The following DNM1L variants were observed in gnomAD, a reference collection of about 807,000 sequenced individuals.
DNM1L encodes the protein dynamin-1-like protein.
In DNM1L, 33 loss-of-function variants were observed where a neutral mutation model predicts 92.8. That is an observed-to-expected ratio of 0.36 (90% confidence interval 0.27 to 0.48). The LOEUF (loss-of-function observed/expected upper bound fraction) is 0.48. Among genes scored for constraint, DNM1L ranks in the 20% least tolerant of loss-of-function variants. The pLI is 0.99. For missense variants in DNM1L, 485 were observed against 888.8 expected (o/e 0.55, Z 5.78); for synonymous variants, 284 against 305.0 (o/e 0.93, Z 0.72).
At chr12:32,701,622 A>G in intron 2 of DNM1L, 60 bp downstream of exon 2, 1 of 1,465,498 alleles carries the variant, frequency 6.8e-7, no homozygotes, top group South Asian at 1.1e-5. Context: ...TATTCTTAAA[A>G]AGATATGAAT....
At chr12:32,681,578 CTATTTT>C (rs1951807386) in intron 1 of DNM1L, among the ~76,000 whole-genome samples, 2 of 144,802 alleles carry the variant, frequency 1.4e-5, no homozygotes. Context: ...CCCCCCGCCC[CTATTTT>C]CTCCCCACAC....
At chr12:32,701,605 T>G in intron 2 of DNM1L, 43 bp downstream of exon 2, 1 of 1,532,812 alleles carries the variant, frequency 6.5e-7, no homozygotes, top group Non-Finnish European at 9.0e-7. Flanking sequence ...GCTCTTCATT[T>G]TTGATCTATT....
In DNM1L at chr12:32,718,740, T is replaced by G; in HGVS notation, c.717T>G (p.Leu239=). ...TGGGAAGGGTTATTCCAGTCAAACT[T>G]GGAATAATTGGAGTAGTTAACAGGT... ...VLMGRVIPVK[L]GIIGVVNRSQ... Residue 239 remains leucine, a synonymous_variant, in exon 7 of 20, where the codon CTT becomes CTG. Transcript: ENST00000549701. 6.2e-7 allele frequency: 1 copy of G among 1,613,806 alleles called. No homozygotes were observed. The highest frequency in any genetic ancestry group is 8.5e-7 in the Non-Finnish European group (1 of 1,179,848).
rs79520527 is a variant in DNM1L at position 32,720,645 on chromosome 12, G to A, written c.741-19G>A. On this transcript the variant is annotated intron_variant, in intron 7 of 19. Coordinates refer to ENST00000549701, the MANE Select transcript of DNM1L (RefSeq NM_012062.5). The stretch of plus-strand genomic sequence containing the variant: ...GACAACAGTTAAGCTGAATAGTTTC[G>A]TTATTTTTTCAACCTCAGGAGCCAG... 1.7e-3 allele frequency: 2,748 copies of A among 1,613,462 alleles called. 42 individuals carry two copies. In the African/African-American group the frequency reaches 0.028, roughly 17 times the overall value.
intron 18 of DNM1L, among the ~76,000 whole-genome samples, chr12:32,741,482 A>G (rs558049418): frequency 2.0e-5 from 3 of 152,116 alleles, no homozygotes; most frequent in Admixed American, 2.0e-4. Context: ...GACGGGTTTC[A>G]CCATGTTGGC....
At chr12:32,728,987 T>C (rs946976765) in intron 9 of DNM1L, 1 of 151,690 alleles carries the variant, frequency 6.6e-6, no homozygotes, top group Non-Finnish European at 1.5e-5. Context: ...GAGATGAGGT[T>C]TCACTGTGTT....
At chr12:32,730,793 C>CAT (rs1365929594) in intron 9 of DNM1L, among the ~76,000 whole-genome samples, 2 of 152,078 alleles carry the variant, frequency 1.3e-5, no homozygotes, top group African/African-American at 2.4e-5. Flanking sequence ...ATTATATTTA[C>CAT]ATATATATAA....
At chr12:32,693,691 G>A (rs995276632) in intron 1 of DNM1L, among the ~76,000 whole-genome samples, 60 of 152,144 alleles carry the variant, frequency 3.9e-4, no homozygotes, top group African/African-American at 1.3e-3. Flanking sequence ...AGGCTGGAGT[G>A]CAGTGGCATG....
rs61239993 is a variant in DNM1L, at chr12:32,708,770, G to A, written c.369+546G>A. 8.1e-3 allele frequency among the ~76,000 whole-genome samples: 1,225 copies of A among 152,062 alleles called. 19 individuals are homozygous for A. Among genetic ancestry groups the A allele is most frequent in the African/African-American group, 0.027 (1,127 of 41,488 alleles). Reference sequence around the variant, plus strand: ...CTGAGATTGTGAGAATGTGAAGTAAGTTATGTATCTAAGATACTGTTAATC... The same window carrying A: ...CTGAGATTGTGAGAATGTGAAGTAAATTATGTATCTAAGATACTGTTAATC... On this transcript the variant is annotated intron_variant, in intron 4 of 19. Transcript: ENST00000549701.
At chr12:32,727,518 C>A (rs945279696) in intron 9 of DNM1L, 2 of 554,156 alleles carry the variant, frequency 3.6e-6, no homozygotes, top group Admixed American at 3.1e-5. Context: ...GAGACCCTAT[C>A]TCTGAAAATG....
At chr12:32,715,554 GA>G (rs2137387365) in intron 6 of DNM1L, among the ~76,000 whole-genome samples, 1 of 152,034 alleles carries the variant, frequency 6.6e-6, no homozygotes, top group East Asian at 1.9e-4. Context: ...CCAACATGGT[GA>G]AACCCCATCT....
chr12:32,712,857 A>C (rs1387624458), intron 5 of DNM1L, among the ~76,000 whole-genome samples: 1 of 152,062 alleles, frequency 6.6e-6, no homozygotes, highest in Non-Finnish European at 1.5e-5. Context: ...CTGTAACATA[A>C]TCTGACATGA....
Position 32,679,485 on chromosome 12 carries a change from T to A in DNM1L, c.102+20T>A. ...ACGCAGGTGAGAGCAGCAGGCGGCGTTCGCTCGGGCCAGACCCCGGCCGCA... is the reference window on the plus strand; with the variant it reads ...ACGCAGGTGAGAGCAGCAGGCGGCGATCGCTCGGGCCAGACCCCGGCCGCA... On this transcript the variant is annotated intron_variant, in intron 1 of 19. Coordinates refer to ENST00000549701, the MANE Select transcript of DNM1L (RefSeq NM_012062.5). The A allele has an allele frequency of 6.2e-7, 1 of 1,602,396 alleles. No individual in the cohort carries two copies. The highest frequency in any genetic ancestry group is 8.5e-7 in the Non-Finnish European group (1 of 1,174,276).
intron 14 of DNM1L, chr12:32,737,507 G>A (rs1954975111): frequency 7.8e-6 from 3 of 385,738 alleles, no homozygotes; most frequent in Non-Finnish European, 1.4e-5. Flanking sequence ...GGAAAAAACA[G>A]TATGCACAGA....
chr12:32,741,139 A>G (rs1955255951), intron 18 of DNM1L, among the ~76,000 whole-genome samples: 1 of 152,248 alleles, frequency 6.6e-6, no homozygotes, highest in Non-Finnish European at 1.5e-5. Context: ...ATATTGAAAT[A>G]AATGATTTTT....
intron 6 of DNM1L, among the ~76,000 whole-genome samples, chr12:32,717,670 CATAT>C (rs929908659): frequency 1.6e-5 from 1 of 62,112 alleles, no homozygotes; most frequent in African/African-American, 7.8e-5. Context: ...ATAAAAAATA[CATAT>C]ACCTAGGTAG....
In DNM1L at chr12:32,735,412, G is replaced by A. The variant is rs569682066; in HGVS notation, c.1539+1605G>A. Among the ~76,000 whole-genome samples, 271 of 152,230 alleles carry A rather than the reference G, an allele frequency of 1.8e-3. 1 individual carries two copies. The highest frequency in any genetic ancestry group is 6.1e-3 in the African/African-American group (254 of 41,544). ...GACTAGGGTGAGAATTCTAGATACC[G>A]TGGCCTTTTGCTTTGTATCCCTGTT... On this transcript the variant is annotated intron_variant, in intron 13 of 19. Transcript: ENST00000549701.
chr12:32,735,026 C>T (rs191689702), intron 13 of DNM1L, among the ~76,000 whole-genome samples: 35 of 152,246 alleles, frequency 2.3e-4, no homozygotes, highest in Admixed American at 3.9e-4. Flanking sequence ...GGCCAGATCA[C>T]AGTTATGTTA....
intron 1 of DNM1L, among the ~76,000 whole-genome samples, chr12:32,689,783 G>A (rs1952163856): frequency 6.6e-6 from 1 of 152,190 alleles, no homozygotes; most frequent in African/African-American, 2.4e-5. Flanking sequence ...AACTGATGCT[G>A]ATTATTAGGG....
Sources: allele counts gnomAD v4.1 joint callset (sites outside exome capture counted in the v4.1 genomes callset), GRCh38; gene constraint gnomAD v4.1.1; transcripts MANE v1.5; gene names NCBI Gene and HGNC (gene_info 2026-07-23, HGNC 2026-07-21).